The following CD96 variants were observed in gnomAD, a reference collection of about 807,000 sequenced individuals.
CD96 encodes the protein CD96 molecule, also known as T-cell surface protein tactile.
Under a neutral mutation model 71.3 loss-of-function variants are expected in CD96, and 70 were observed. The ratio of observed to expected loss-of-function variants is 0.98; its 90% CI spans 0.81 to 1.20. The LOEUF is 1.20. Ranked by LOEUF, CD96 falls within the 50% of genes most tolerant of loss-of-function variation. CD96 has a pLI of 0.00. For synonymous variants in CD96, 248 were observed against 233.0 expected, an observed-to-expected ratio of 1.06 and a Z score of -0.59; for missense variants, 742 against 677.5, an observed-to-expected ratio of 1.10 and a Z score of -1.06.
At chr3:111,550,329 T>C (rs1934632999) in intron 2 of CD96, among the ~76,000 whole-genome samples, 1 of 152,062 alleles carries the variant, frequency 6.6e-6, no homozygotes. Flanking sequence ...CACATTGATA[T>C]GACTTTCAAG....
At chr3:111,627,629 G>A (rs1938840234) in intron 10 of CD96, among the ~76,000 whole-genome samples, 2 of 152,192 alleles carry the variant, frequency 1.3e-5, no homozygotes, top group African/African-American at 4.8e-5. Flanking sequence ...CTCCAACATA[G>A]CACAGCTGCT....
At chr3:111,563,021 C>T (rs1371443505) in intron 2 of CD96, among the ~76,000 whole-genome samples, 1 of 152,188 alleles carries the variant, frequency 6.6e-6, no homozygotes, top group Non-Finnish European at 1.5e-5. Context: ...TGAGGGCCTG[C>T]TTGCTAAATC....
intron 5 of CD96, among the ~76,000 whole-genome samples, chr3:111,595,802 A>G (rs929432036): frequency 1.3e-5 from 2 of 152,046 alleles, no homozygotes; most frequent in African/African-American, 2.4e-5. Flanking sequence ...AAGAGGAGAT[A>G]GGAAGACTCT....
At chr3:111,634,035 T>C (rs1464830013) in intron 10 of CD96, 2 of 152,830 alleles carry the variant, frequency 1.3e-5, no homozygotes, top group African/African-American at 2.4e-5. Context: ...TAACAAATTA[T>C]CTGTGGTTTT....
intron 10 of CD96, among the ~76,000 whole-genome samples, chr3:111,632,423 C>A (rs752546384): frequency 6.6e-6 from 1 of 152,102 alleles, no homozygotes; most frequent in Non-Finnish European, 1.5e-5. Context: ...AATGAGATAC[C>A]ATCTCACACC....
intron 10 of CD96, 21 bp from the exon 11 acceptor site, chr3:111,637,175 T>A (rs764913322): frequency 7.4e-7 from 1 of 1,349,366 alleles, no homozygotes; most frequent in East Asian, 2.3e-5. Context: ...GGTTAACTCT[T>A]CTGATATCTT....
chr3:111,575,742 C>T (rs1936192433), intron 3 of CD96, among the ~76,000 whole-genome samples: 1 of 152,210 alleles, frequency 6.6e-6, no homozygotes, highest in Non-Finnish European at 1.5e-5. Flanking sequence ...ACCTTGAATG[C>T]TATGTTCTCC....
chr3:111,662,793 A>G (rs944381417), intron 14 of CD96, among the ~76,000 whole-genome samples: 1 of 152,168 alleles, frequency 6.6e-6, no homozygotes, highest in Admixed American at 6.5e-5. Flanking sequence ...CCATTCAACA[A>G]GTTTCTAGGA....
chr3:111,637,848 A>AT (rs560096717), intron 11 of CD96, among the ~76,000 whole-genome samples: 26 of 149,830 alleles, frequency 1.7e-4, no homozygotes, highest in Non-Finnish European at 7.4e-5. Context: ...ACCAACAGGA[A>AT]TTTTTTTTTC....
chr3:111,617,920 C>G (rs747939906), intron 8 of CD96, among the ~76,000 whole-genome samples: 1 of 152,224 alleles, frequency 6.6e-6, no homozygotes, highest in Non-Finnish European at 1.5e-5. Context: ...CTTTGGAGCT[C>G]TACAGTTCCT....
At chr3:111,553,444 T>G (rs2107492112) in intron 2 of CD96, among the ~76,000 whole-genome samples, 1 of 149,022 alleles carries the variant, frequency 6.7e-6, no homozygotes, top group East Asian at 2.0e-4. Context: ...CTTTTTTTTT[T>G]TTTTTGGCAA....
intron 5 of CD96, chr3:111,592,961 G>A (rs1170758721): frequency 6.6e-6 from 1 of 152,228 alleles, no homozygotes; most frequent in African/African-American, 2.4e-5. Flanking sequence ...AGGAGAAAGA[G>A]ACGCATTGGA....
chr3:111,558,555 GC>G (rs1935201988), intron 2 of CD96, among the ~76,000 whole-genome samples: 1 of 104,110 alleles, frequency 9.6e-6, no homozygotes, highest in African/African-American at 3.9e-5. Context: ...CAGGGATGAA[GC>G]CCACTTGATC....
At chr3:111,633,602 G>A (rs113890503) in intron 10 of CD96, 1 of 152,214 alleles carries the variant, frequency 6.6e-6, no homozygotes, top group Non-Finnish European at 1.5e-5. Context: ...GGCTTCATGG[G>A]TTTCCCCATG....
chr3:111,598,036 C>T, intron 5 of CD96, 84 bp from the exon 6 acceptor site: 1 of 638,722 alleles, frequency 1.6e-6, no homozygotes, highest in Non-Finnish European at 2.8e-6. Context: ...TCTTTTTTGC[C>T]AACTTATATG....
At chr3:111,636,782 C>T (rs1201449510) in intron 10 of CD96, among the ~76,000 whole-genome samples, 2 of 152,188 alleles carry the variant, frequency 1.3e-5, no homozygotes, top group East Asian at 3.8e-4. Context: ...TTTTCGTCCC[C>T]TATGCATGTT....
At chr3:111,614,716 C>G (rs1377591219) in intron 8 of CD96, among the ~76,000 whole-genome samples, 1 of 152,202 alleles carries the variant, frequency 6.6e-6, no homozygotes, top group Non-Finnish European at 1.5e-5. Flanking sequence ...GGCCCTGTCT[C>G]TCTTCTCCAT....
intron 3 of CD96, among the ~76,000 whole-genome samples, chr3:111,576,094 A>G (rs887885058): frequency 5.3e-5 from 8 of 152,224 alleles, no homozygotes; most frequent in African/African-American, 1.9e-4. Context: ...GGACTAGAGT[A>G]AGTATATCAT....
downstream of CD96, among the ~76,000 whole-genome samples, chr3:111,655,894 GTT>G (rs1457255364): frequency 6.6e-6 from 1 of 150,710 alleles, no homozygotes; most frequent in African/African-American, 2.4e-5. Flanking sequence ...ACTATATATA[GTT>G]TTATATATAT....
Sources: gnomAD v4.1 joint callset for allele counts (sites outside exome capture counted in the v4.1 genomes callset) on GRCh38, gnomAD v4.1.1 for gene constraint, MANE v1.5 for transcripts, NCBI Gene and HGNC (gene_info 2026-07-23, HGNC 2026-07-21) for gene names.